Variants in NTN1 observed in about 807,000 individuals in gnomAD.
NTN1 encodes netrin 1.
A neutral mutation model predicts 54.2 loss-of-function variants in NTN1; 11 were observed. The observed-to-expected ratio is 0.20, with a 90% CI of 0.13 to 0.34. NTN1 has a LOEUF of 0.34. Among genes scored for constraint, NTN1 ranks in the 10% least tolerant of loss-of-function variants. NTN1 has a pLI of 1.00. For missense variants in NTN1, 740 were observed against 893.1 expected (o/e 0.83, Z 2.18); for synonymous variants, 371 against 382.0 (o/e 0.97, Z 0.33).
chr17:9,096,538 T>A (rs1442936022), intron 2 of NTN1, among the ~76,000 whole-genome samples: 1 of 151,842 alleles, frequency 6.6e-6, no homozygotes, highest in African/African-American at 2.4e-5. Context: ...ACCCAACTAA[T>A]TTTTTTGTAT....
intron 2 of NTN1, among the ~76,000 whole-genome samples, chr17:9,111,027 C>G (rs1291776108): frequency 6.6e-6 from 1 of 151,132 alleles, no homozygotes; most frequent in Non-Finnish European, 1.5e-5. Flanking sequence ...CTCCAACTCC[C>G]TGGTTCAAGT....
chr17:9,237,052 C>T (rs1906015884), intron 6 of NTN1, among the ~76,000 whole-genome samples: 1 of 152,206 alleles, frequency 6.6e-6, no homozygotes, highest in Admixed American at 6.5e-5. Context: ...CAGCTCTGCC[C>T]TTCTGCCTGG....
At chr17:9,052,497 A>C (rs1384926217) in intron 2 of NTN1, among the ~76,000 whole-genome samples, 1 of 152,256 alleles carries the variant, frequency 6.6e-6, no homozygotes, top group East Asian at 1.9e-4. Flanking sequence ...AGTCTGGGAC[A>C]AACACACTTG....
chr17:9,114,164 A>ATATATAC (rs1404097905), intron 2 of NTN1, among the ~76,000 whole-genome samples: 6 of 80,534 alleles, frequency 7.5e-5, no homozygotes, highest in Admixed American at 6.5e-4. Context: ...AAAAAAAAAA[A>ATATATAC]AAATATATAT....
chr17:9,041,960 G>C (rs1318135055), intron 2 of NTN1, among the ~76,000 whole-genome samples: 1 of 151,272 alleles, frequency 6.6e-6, no homozygotes, highest in African/African-American at 2.4e-5. Flanking sequence ...TGTGAGCTGA[G>C]ATTGGGCCAT....
At chr17:9,098,543 C>G (rs145312572) in intron 2 of NTN1, among the ~76,000 whole-genome samples, 1 of 152,224 alleles carries the variant, frequency 6.6e-6, no homozygotes, top group Non-Finnish European at 1.5e-5. Flanking sequence ...ATGGCACTGG[C>G]GAGAACCTCA....
intron 2 of NTN1, among the ~76,000 whole-genome samples, chr17:9,144,986 G>C (rs78116585): frequency 0.019 from 2,957 of 152,306 alleles, 98 homozygotes; most frequent in African/African-American, 0.066. Context: ...CCAGCTCCAG[G>C]TCCAGGGAGG....
At chr17:9,092,980 G>A (rs570373380) in intron 2 of NTN1, among the ~76,000 whole-genome samples, 1 of 152,114 alleles carries the variant, frequency 6.6e-6, no homozygotes, top group Non-Finnish European at 1.5e-5. Context: ...GGATGGTCTC[G>A]ATCTCCTGCC....
chr17:9,124,549 C>A (rs1391056301), intron 2 of NTN1, among the ~76,000 whole-genome samples: 3 of 152,168 alleles, frequency 2.0e-5, no homozygotes, highest in African/African-American at 7.2e-5. Flanking sequence ...CTTTCCTTTC[C>A]GACAGTGATG....
intron 2 of NTN1, among the ~76,000 whole-genome samples, chr17:9,146,480 G>A (rs1032136892): frequency 6.6e-6 from 1 of 152,198 alleles, no homozygotes; most frequent in Non-Finnish European, 1.5e-5. Context: ...TCCTCAAGGA[G>A]GGGACCACCT....
At chr17:9,019,334 CTG>C (rs577945676), upstream of NTN1, among the ~76,000 whole-genome samples, 53 of 152,220 alleles carry the variant, frequency 3.5e-4, 1 homozygote, top group Middle Eastern at 0.01. Flanking sequence ...TGACATTATA[CTG>C]TGTGTTTTTA....
intron 5 of NTN1, chr17:9,183,505 T>C: frequency 5.5e-6 from 2 of 361,744 alleles, no homozygotes; most frequent in South Asian, 2.1e-5. Context: ...GCCTGCACCG[T>C]GGTCACTGGC....
rs898203831 is a variant in NTN1 at position 9,142,954 on chromosome 17, G to C, written c.1019-19859G>C. 2.7e-4 allele frequency among the ~76,000 whole-genome samples: 41 copies of C among 152,216 alleles called. 1 individual carries two copies. The highest frequency in any genetic ancestry group is 2.6e-3 in the Admixed American group (40 of 15,282). On this transcript the variant is annotated intron_variant, in intron 2 of 6. Coordinates refer to ENST00000173229, the MANE Select transcript of NTN1 (RefSeq NM_004822.3). The stretch of plus-strand genomic sequence containing the variant: ...TTTAAAGTACACATACACTCTAAAA[G>C]GTAATGTGCAGTGAAGAAAAGGGAA...
At chr17:9,092,951 G>T (rs1236506819) in intron 2 of NTN1, among the ~76,000 whole-genome samples, 1 of 152,126 alleles carries the variant, frequency 6.6e-6, no homozygotes, top group Non-Finnish European at 1.5e-5. Context: ...GTAGAGACGG[G>T]GTTTCACTGC....
chr17:9,152,248 C>A (rs1363839971), intron 2 of NTN1, among the ~76,000 whole-genome samples: 1 of 152,186 alleles, frequency 6.6e-6, no homozygotes, highest in Non-Finnish European at 1.5e-5. Context: ...TGGCAGGAAC[C>A]AACTCTGGAC....
intron 2 of NTN1, among the ~76,000 whole-genome samples, chr17:9,045,053 G>A (rs1037327190): frequency 2.0e-5 from 3 of 152,146 alleles, no homozygotes; most frequent in Non-Finnish European, 2.9e-5. Context: ...GTTCTTTCCC[G>A]TGCTCACACT....
Position 9,207,971 on chromosome 17 carries a change from C to T in NTN1, c.1412-13197C>T, listed in dbSNP as rs555721279. On this transcript the variant is annotated intron_variant, in intron 5 of 6. Coordinates refer to ENST00000173229, the MANE Select transcript of NTN1 (RefSeq NM_004822.3). ...TAAACCAGCTGGGTGCAGTGGCTCACGCCTGTAATCCCGGCACTTTGGGAG... is the reference window on the plus strand; with the variant it reads ...TAAACCAGCTGGGTGCAGTGGCTCATGCCTGTAATCCCGGCACTTTGGGAG... 7.1e-4 allele frequency among the ~76,000 whole-genome samples: 108 copies of T among 152,340 alleles called. 1 individual carries two copies. Among genetic ancestry groups the T allele is most frequent in the African/African-American group, 2.5e-3 (102 of 41,580 alleles).
At chr17:9,171,729 G>A (rs1204893617) in intron 3 of NTN1, 1 of 152,338 alleles carries the variant, frequency 6.6e-6, no homozygotes, top group Non-Finnish European at 1.5e-5. Flanking sequence ...CTGGAAGCAG[G>A]AAAGGGCTTG....
rs377435744 is a variant in NTN1, at chr17:9,204,193, CTCCTTCCT to C, written c.1412-16953_1412-16946del. 3.5e-3 allele frequency among the ~76,000 whole-genome samples: 522 copies of C among 147,148 alleles called. 5 individuals are homozygous for C. Among genetic ancestry groups the C allele is most frequent in the African/African-American group, 0.012 (450 of 38,696 alleles). On this transcript the variant is annotated intron_variant, in intron 5 of 6. Coordinates refer to ENST00000173229, the MANE Select transcript of NTN1 (RefSeq NM_004822.3). ...TAGTAACCGTTCCTTCCTTCCTTCCCTCCTTCCTTCCTTCCTTCCTTCCTTCCTTTTCT... is the reference window on the plus strand; with the variant it reads ...TAGTAACCGTTCCTTCCTTCCTTCCCTCCTTCCTTCCTTCCTTCCTTTTCT...
Sources: gnomAD v4.1 joint callset for allele counts (sites outside exome capture counted in the v4.1 genomes callset) on GRCh38, gnomAD v4.1.1 for gene constraint, MANE v1.5 for transcripts, NCBI Gene and HGNC (gene_info 2026-07-23, HGNC 2026-07-21) for gene names.